SLCO1A2: variants seen among roughly 807,000 people sequenced by gnomAD.
The protein encoded by SLCO1A2 is OATP-1.
Under a neutral mutation model 69.0 loss-of-function variants are expected in SLCO1A2, and 67 were observed. That is an observed-to-expected ratio of 0.97 (90% CI 0.80 to 1.19). SLCO1A2 has a LOEUF of 1.19. Among genes scored for constraint, SLCO1A2 ranks in the 50% most tolerant of loss-of-function variants. The pLI is 0.00. For missense variants in SLCO1A2, 787 were observed against 793.7 expected, an observed-to-expected ratio of 0.99 and a Z score of 0.10; for synonymous variants, 260 against 265.9, an observed-to-expected ratio of 0.98 and a Z score of 0.22.
At chr12:21,385,622 C>A (rs979904484) in intron 1 of SLCO1A2, among the ~76,000 whole-genome samples, 6 of 152,168 alleles carry the variant, frequency 3.9e-5, no homozygotes, top group Admixed American at 1.3e-4. Context: ...AGTCCTATTA[C>A]CGTACAATGT....
At chr12:21,332,852 T>C (rs1009629680) in intron 2 of SLCO1A2, among the ~76,000 whole-genome samples, 46 of 152,158 alleles carry the variant, frequency 3.0e-4, no homozygotes, top group African/African-American at 1.0e-3. Flanking sequence ...GATTTCAACA[T>C]GGGAATTTGG....
intron 2 of SLCO1A2, among the ~76,000 whole-genome samples, chr12:21,368,429 A>G (rs1262057030): frequency 6.6e-6 from 1 of 152,020 alleles, no homozygotes; most frequent in East Asian, 1.9e-4. Flanking sequence ...GAGCAACCAA[A>G]TGCAATCTTG....
chr12:21,305,215 A>C (rs1949214208), intron 5 of SLCO1A2, among the ~76,000 whole-genome samples: 1 of 152,212 alleles, frequency 6.6e-6, no homozygotes, highest in Non-Finnish European at 1.5e-5. Context: ...TGCTTAGTAG[A>C]GTAACAAAGA....
chr12:21,355,110 C>T (rs1243473109), intron 2 of SLCO1A2: 1 of 152,142 alleles, frequency 6.6e-6, no homozygotes, highest in Admixed American at 6.6e-5. Flanking sequence ...TACTACTTTT[C>T]TTTATCATAT....
At chr12:21,353,201 T>C (rs1023657261) in intron 2 of SLCO1A2, among the ~76,000 whole-genome samples, 1 of 152,162 alleles carries the variant, frequency 6.6e-6, no homozygotes, top group Non-Finnish European at 1.5e-5. Flanking sequence ...AGCCTGTTAA[T>C]TTTATCATAT....
chr12:21,274,657 A>G (rs890506764), intron 13 of SLCO1A2, 71 bp from the exon 14 acceptor site: 26 of 1,074,596 alleles, frequency 2.4e-5, no homozygotes, highest in Admixed American at 1.1e-4. Context: ...AAATATTTCA[A>G]TTTTCTTTAT....
chr12:21,290,055 G>A (rs1343017530), intron 12 of SLCO1A2, among the ~76,000 whole-genome samples: 2 of 151,892 alleles, frequency 1.3e-5, no homozygotes, highest in Admixed American at 6.6e-5. Context: ...CTGTGTGGCT[G>A]TATGTACATA....
intron 1 of SLCO1A2, among the ~76,000 whole-genome samples, chr12:21,402,131 A>G (rs1941725754): frequency 6.6e-6 from 1 of 150,842 alleles, no homozygotes; most frequent in African/African-American, 2.4e-5. Context: ...CTTTTTTAAA[A>G]AAGACAAAAA....
At chr12:21,301,473 C>A (rs1056909746) in intron 6 of SLCO1A2, among the ~76,000 whole-genome samples, 6 of 152,118 alleles carry the variant, frequency 3.9e-5, no homozygotes, top group African/African-American at 1.4e-4. Context: ...TAATTTAAAG[C>A]CACTTTCCCT....
chr12:21,405,585 C>T (rs1941810905), intron 1 of SLCO1A2, among the ~76,000 whole-genome samples: 1 of 152,070 alleles, frequency 6.6e-6, no homozygotes, highest in South Asian at 2.1e-4. Context: ...ACAGACACAT[C>T]GACCAAGGAA....
intron 2 of SLCO1A2, among the ~76,000 whole-genome samples, chr12:21,328,808 T>C (rs1207385257): frequency 6.6e-6 from 1 of 151,922 alleles, no homozygotes; most frequent in Non-Finnish European, 1.5e-5. Context: ...CCAGTGCCAC[T>C]CCAGGACAGT....
rs534919435 is a variant in SLCO1A2 at position 21,360,489 on chromosome 12, G to A, written c.-63+13910C>T. Reference sequence around the variant, plus strand: ...GTCTGCAGCTCCCAGTGTGAAGGACGCAGAAGACTGGTGATTTCTGCATTT... The same window carrying A: ...GTCTGCAGCTCCCAGTGTGAAGGACACAGAAGACTGGTGATTTCTGCATTT... On this transcript the variant is annotated intron_variant, in intron 2 of 15. Transcript: ENST00000307378. Among the ~76,000 whole-genome samples, 158 of 152,322 alleles carry A rather than the reference G, an allele frequency of 1.0e-3. 3 individuals carry two copies. In the South Asian group the frequency reaches 0.019, roughly 18 times the overall value.
chr12:21,342,604 G>T (rs1953108567), intron 2 of SLCO1A2, among the ~76,000 whole-genome samples: 1 of 151,540 alleles, frequency 6.6e-6, no homozygotes, highest in African/African-American at 2.4e-5. Flanking sequence ...TTAACATAAG[G>T]GGTGTATGTC....
At chr12:21,367,959 A>G (rs751895843) in intron 2 of SLCO1A2, among the ~76,000 whole-genome samples, 13 of 152,218 alleles carry the variant, frequency 8.5e-5, no homozygotes, top group Non-Finnish European at 1.8e-4. Context: ...ATTTCAACTA[A>G]TAAATGACAA....
At chr12:21,283,434 A>G (rs1362778870) in intron 12 of SLCO1A2, among the ~76,000 whole-genome samples, 1 of 152,198 alleles carries the variant, frequency 6.6e-6, no homozygotes, top group Non-Finnish European at 1.5e-5. Flanking sequence ...TCGATGAAAG[A>G]CTTAAATCTA....
rs1302287555 is a variant in SLCO1A2, at chr12:21,274,852, TA to T, written c.1676-267del. 1.1e-5 allele frequency: 10 copies of T among 907,194 alleles called. No individual in the cohort carries two copies. In the African/African-American group the frequency reaches 1.7e-4, roughly 16 times the overall value. 56.2% of individuals were successfully genotyped at this position (907,194 alleles called of 1,614,324 possible). A position where few individuals can be genotyped will look rare whatever the true frequency, so the allele number is the denominator to read the frequency against. On this transcript the variant is annotated intron_variant, in intron 13 of 14. Coordinates refer to ENST00000683939, the MANE Select transcript of SLCO1A2 (RefSeq NM_001386879.1). ...AGATTCTGAACTTTATATATTTTCT[TA>T]AATGTTTTGGGCCAGTTATATGTAC...
At chr12:21,384,717 T>C (rs1204157165) in intron 1 of SLCO1A2, among the ~76,000 whole-genome samples, 7 of 150,600 alleles carry the variant, frequency 4.6e-5, no homozygotes, top group Non-Finnish European at 1.0e-4. Flanking sequence ...AAAGGCATTA[T>C]AAAAAGAAAA....
intron 2 of SLCO1A2, among the ~76,000 whole-genome samples, chr12:21,320,382 C>T (rs1385831330): frequency 6.6e-6 from 1 of 152,112 alleles, no homozygotes; most frequent in African/African-American, 2.4e-5. Context: ...GATTGGTGTC[C>T]CTTTCCTGTA....
chr12:21,362,794 G>C (rs1939028946), intron 2 of SLCO1A2, among the ~76,000 whole-genome samples: 1 of 151,670 alleles, frequency 6.6e-6, no homozygotes, highest in African/African-American at 2.4e-5. Flanking sequence ...GATCAAAAGA[G>C]ACAAGGCCAT....
Sources: gnomAD v4.1 joint callset for allele counts (sites outside exome capture counted in the v4.1 genomes callset) on GRCh38, gnomAD v4.1.1 for gene constraint, MANE v1.5 for transcripts, NCBI Gene and HGNC (gene_info 2026-07-23, HGNC 2026-07-21) for gene names.